Variants in CUEDC1 observed in about 807,000 individuals in gnomAD.
The protein encoded by CUEDC1 is CUE domain-containing protein 1.
In CUEDC1, 30 loss-of-function variants were observed where a neutral mutation model predicts 43.7. That is an observed-to-expected ratio of 0.69 (90% CI 0.51 to 0.93). The LOEUF is 0.93. Ranked by LOEUF, CUEDC1 falls within the 40% of genes least tolerant of loss-of-function variation. The probability of loss-of-function intolerance (pLI) is 0.00; values close to 1 mark genes in which losing one functional copy is unlikely to be tolerated. For synonymous variants in CUEDC1, 223 were observed against 223.6 expected, an observed-to-expected ratio of 1.00 and a Z score of 0.02; for missense variants, 486 against 549.0, an observed-to-expected ratio of 0.89 and a Z score of 1.15.
intron 1 of CUEDC1, among the ~76,000 whole-genome samples, chr17:57,890,165 A>C (rs2074339908): frequency 6.6e-6 from 1 of 152,256 alleles, no homozygotes; most frequent in South Asian, 2.1e-4. Flanking sequence ...TGGAGAGGCC[A>C]GAATAGGAAC....
intron 1 of CUEDC1, among the ~76,000 whole-genome samples, chr17:57,939,790 G>T (rs891231375): frequency 6.6e-6 from 1 of 152,130 alleles, no homozygotes; most frequent in Admixed American, 6.5e-5. Flanking sequence ...ACACCATTCA[G>T]TAACTAAGGG....
At chr17:57,868,003 C>T in intron 8 of CUEDC1, 147 bp downstream of exon 8, 1 of 682,310 alleles carries the variant, frequency 1.5e-6, no homozygotes. Flanking sequence ...TGGCCAAGCT[C>T]ATGGAGGAGA....
intron 1 of CUEDC1, among the ~76,000 whole-genome samples, chr17:57,914,145 T>C (rs1264888643): frequency 6.6e-6 from 1 of 152,182 alleles, no homozygotes; most frequent in African/African-American, 2.4e-5. Context: ...GTGCCCAGCA[T>C]AGAGCAGGCA....
rs1180436789 is a variant in CUEDC1, at chr17:57,871,386, TTC to T, written c.785-19_785-18del. On this transcript the variant is annotated intron_variant, in intron 5 of 10. Coordinates refer to ENST00000577830, the MANE Select transcript of CUEDC1 (RefSeq NM_001271875.2). ...TCAATCGATCTGGAAAAGGACCACA[TTC>T]ACAGGTCAGGGAGGTTAGCTCCTGG... 24 of 1,610,418 alleles carry T rather than the reference TTC, an allele frequency of 1.5e-5. No individual in the cohort carries two copies. Among genetic ancestry groups the T allele is most frequent in the Non-Finnish European group, 2.0e-5 (24 of 1,177,434 alleles).
chr17:57,864,027 GAA>G (rs1209728280), intron 10 of CUEDC1, among the ~76,000 whole-genome samples: 1 of 147,496 alleles, frequency 6.8e-6, no homozygotes, highest in Non-Finnish European at 1.5e-5. Context: ...AGAAAGAAAA[GAA>G]AAAGAAAAAA....
chr17:57,882,726 C>T (rs550216579), intron 2 of CUEDC1, among the ~76,000 whole-genome samples: 15 of 152,264 alleles, frequency 9.9e-5, no homozygotes, highest in African/African-American at 2.9e-4. Flanking sequence ...AAGCCCTTTA[C>T]GATGATCTAC....
At chr17:57,947,859 GA>G (rs1383757118) in intron 1 of CUEDC1, among the ~76,000 whole-genome samples, 4 of 151,934 alleles carry the variant, frequency 2.6e-5, no homozygotes, top group Non-Finnish European at 5.9e-5. Flanking sequence ...CAATACAAAA[GA>G]AAAAAAGCAA....
intron 1 of CUEDC1, among the ~76,000 whole-genome samples, chr17:57,896,487 G>GGGGGGGGTGTGTGT (rs375270781): frequency 1.3e-4 from 17 of 130,364 alleles, no homozygotes; most frequent in Non-Finnish European, 2.2e-4. Flanking sequence ...TGCATTATGG[G>GGGGGGGGTGTGTGT]GTGTGTGTGT....
intron 1 of CUEDC1, among the ~76,000 whole-genome samples, chr17:57,939,533 G>GCC (rs138512794): frequency 6.6e-6 from 1 of 151,852 alleles, no homozygotes; most frequent in African/African-American, 2.4e-5. Flanking sequence ...TCCCACCTTG[G>GCC]CCCCCCAGAG....
At chr17:57,871,415 C>A in intron 5 of CUEDC1, 46 bp from the exon 6 acceptor site, 1 of 1,515,362 alleles carries the variant, frequency 6.6e-7, no homozygotes. Flanking sequence ...AGCTCCTGGG[C>A]TCCCAGGGGC....
intron 1 of CUEDC1, among the ~76,000 whole-genome samples, chr17:57,909,229 C>T (rs981521806): frequency 2.0e-5 from 3 of 152,114 alleles, no homozygotes; most frequent in East Asian, 1.9e-4. Flanking sequence ...GAACTCCTGA[C>T]CTCAATCTGC....
intron 1 of CUEDC1, among the ~76,000 whole-genome samples, chr17:57,889,167 AG>A (rs1761388453): frequency 6.6e-6 from 1 of 152,220 alleles, no homozygotes; most frequent in Non-Finnish European, 1.5e-5. Flanking sequence ...TGTATCCCTT[AG>A]GGGGTTTCAA....
At chr17:57,900,833 G>A (rs1402998774) in intron 1 of CUEDC1, among the ~76,000 whole-genome samples, 1 of 152,166 alleles carries the variant, frequency 6.6e-6, no homozygotes, top group Non-Finnish European at 1.5e-5. Flanking sequence ...TGCCTGTTCT[G>A]CTCACTGCTA....
chr17:57,926,114 C>T (rs2074744725), intron 1 of CUEDC1, among the ~76,000 whole-genome samples: 1 of 152,212 alleles, frequency 6.6e-6, no homozygotes, highest in Non-Finnish European at 1.5e-5. Flanking sequence ...CCCACCAATA[C>T]TGGAATGGAA....
At chr17:57,918,708 G>A (rs1250696680) in intron 1 of CUEDC1, among the ~76,000 whole-genome samples, 1 of 152,214 alleles carries the variant, frequency 6.6e-6, no homozygotes, top group East Asian at 1.9e-4. Flanking sequence ...GAATTATGGT[G>A]GATGTTTTCC....
intron 1 of CUEDC1, among the ~76,000 whole-genome samples, chr17:57,931,278 C>T (rs2074801488): frequency 6.7e-6 from 1 of 149,892 alleles, no homozygotes; most frequent in Admixed American, 6.7e-5. Flanking sequence ...CATCCTGTCT[C>T]AAAAAAAAGA....
intron 1 of CUEDC1, among the ~76,000 whole-genome samples, chr17:57,914,849 C>CT (rs1366439652): frequency 6.6e-6 from 1 of 152,204 alleles, no homozygotes; most frequent in Non-Finnish European, 1.5e-5. Context: ...AGCAGGAACT[C>CT]TGAGTGGCAT....
intron 1 of CUEDC1, among the ~76,000 whole-genome samples, chr17:57,950,542 T>G (rs2585830): frequency 0.71 from 107,313 of 150,788 alleles, 40,272 homozygotes; most frequent in East Asian, 0.97. Flanking sequence ...CTGTGATCTC[T>G]GCTCACTGAA....
chr17:57,937,039 T>A (rs2074869253), intron 1 of CUEDC1, among the ~76,000 whole-genome samples: 1 of 151,912 alleles, frequency 6.6e-6, no homozygotes, highest in South Asian at 2.1e-4. Context: ...CAGGATGGTC[T>A]CCATCTTTTG....
Sources: allele counts gnomAD v4.1 joint callset (sites outside exome capture counted in the v4.1 genomes callset), GRCh38; gene constraint gnomAD v4.1.1; transcripts MANE v1.5; gene names NCBI Gene and HGNC (gene_info 2026-07-23, HGNC 2026-07-21).